NTRK3: variants seen among roughly 807,000 people sequenced by gnomAD.
NTRK3 encodes NT-3 growth factor receptor.
NTRK3 carries 24 observed loss-of-function variants against 91.7 expected under a neutral mutation model. The observed-to-expected ratio is 0.26, with a 90% CI of 0.19 to 0.37. The LOEUF is 0.37. Ranked by LOEUF, NTRK3 falls within the 10% of genes least tolerant of loss-of-function variation. The probability of loss-of-function intolerance (pLI) is 1.00; values close to 1 mark genes in which losing one functional copy is unlikely to be tolerated. For synonymous variants in NTRK3, 483 were observed against 404.0 expected (o/e 1.20, Z -2.34); for missense variants, 880 against 1,068.9 (o/e 0.82, Z 2.46).
At chr15:88,179,020 T>C (rs1477676975) in intron 5 of NTRK3, among the ~76,000 whole-genome samples, 1 of 152,236 alleles carries the variant, frequency 6.6e-6, no homozygotes, top group African/African-American at 2.4e-5. Context: ...ACTAACTTAC[T>C]GTATAACCTT....
chr15:87,984,463 T>G (rs1196033644), intron 14 of NTRK3, among the ~76,000 whole-genome samples: 1 of 152,194 alleles, frequency 6.6e-6, no homozygotes, highest in African/African-American at 2.4e-5. Flanking sequence ...GAGTCTAAGT[T>G]CTTTCTTCTC....
intron 17 of NTRK3, among the ~76,000 whole-genome samples, chr15:87,910,685 A>T (rs1336027247): frequency 6.6e-6 from 1 of 152,236 alleles, no homozygotes; most frequent in Non-Finnish European, 1.5e-5. Flanking sequence ...ACCCAAACTT[A>T]AAATGAGAGG....
intron 17 of NTRK3, chr15:87,928,403 C>T (rs990977139): frequency 6.6e-6 from 1 of 152,082 alleles, no homozygotes. Flanking sequence ...TTCATCCTTT[C>T]CCTGGAAATA....
chr15:88,169,225 G>A (rs576064824), intron 5 of NTRK3, among the ~76,000 whole-genome samples: 1 of 152,136 alleles, frequency 6.6e-6, no homozygotes, highest in African/African-American at 2.4e-5. Context: ...CAGGGAGTTT[G>A]GTTCATATCC....
chr15:88,071,157 C>G (rs551605501), intron 13 of NTRK3, among the ~76,000 whole-genome samples: 3 of 152,292 alleles, frequency 2.0e-5, no homozygotes, highest in East Asian at 3.9e-4. Flanking sequence ...CGATTAAGTC[C>G]CAGGCCCGAT....
At chr15:88,217,896 C>T (rs1015073556) in intron 3 of NTRK3, among the ~76,000 whole-genome samples, 4 of 152,042 alleles carry the variant, frequency 2.6e-5, no homozygotes, top group African/African-American at 9.7e-5. Flanking sequence ...GTAGCTGGGA[C>T]TACAGGCGCC....
chr15:88,239,109 A>G (rs908777101), intron 3 of NTRK3, among the ~76,000 whole-genome samples: 3 of 152,204 alleles, frequency 2.0e-5, no homozygotes, highest in South Asian at 2.1e-4. Context: ...AAAATAATCC[A>G]CAAACATGGG....
chr15:87,996,775 G>C (rs1392289437), intron 14 of NTRK3, among the ~76,000 whole-genome samples: 1 of 152,200 alleles, frequency 6.6e-6, no homozygotes, highest in African/African-American at 2.4e-5. Flanking sequence ...TGAGTTCCAA[G>C]AACTGCGGTA....
intron 14 of NTRK3, among the ~76,000 whole-genome samples, chr15:87,981,829 A>G (rs771052735): frequency 3.9e-5 from 6 of 152,218 alleles, no homozygotes; most frequent in Non-Finnish European, 7.3e-5. Context: ...TTTCAAGAGG[A>G]AAGCAATGTG....
intron 13 of NTRK3, among the ~76,000 whole-genome samples, chr15:88,049,694 CAG>C (rs1282661599): frequency 2.6e-5 from 4 of 152,210 alleles, no homozygotes; most frequent in African/African-American, 7.2e-5. Flanking sequence ...ATGTGTGAAT[CAG>C]GGGATTCCTC....
intron 5 of NTRK3, among the ~76,000 whole-genome samples, chr15:88,165,983 G>A (rs1480292960): frequency 6.6e-6 from 1 of 152,132 alleles, no homozygotes; most frequent in Non-Finnish European, 1.5e-5. Flanking sequence ...CATCATCCTA[G>A]GGGACAAACC....
chr15:87,981,851 AT>A (rs1217237697), intron 14 of NTRK3, among the ~76,000 whole-genome samples: 9 of 152,330 alleles, frequency 5.9e-5, no homozygotes, highest in African/African-American at 2.2e-4. Context: ...CAAGGCGGGG[AT>A]GATGAGGAGA....
intron 15 of NTRK3, among the ~76,000 whole-genome samples, chr15:87,933,866 G>A (rs2069023802): frequency 6.6e-6 from 1 of 152,192 alleles, no homozygotes; most frequent in Non-Finnish European, 1.5e-5. Context: ...GGGCCAGGCA[G>A]AGTCCTTCAA....
rs1459008634 is a variant in NTRK3 at position 88,070,894 on chromosome 15, G to C, written c.1397-37849C>G. On this transcript the variant is annotated intron_variant, in intron 13 of 18. Coordinates refer to ENST00000394480, the Ensembl canonical transcript of NTRK3. Reference sequence around the variant, plus strand: ...AAAACCCAAGGAGAGAGAAAAGGAAGGCAAGATAAAAAGGAGGAGGAGAAG... The same window carrying C: ...AAAACCCAAGGAGAGAGAAAAGGAACGCAAGATAAAAAGGAGGAGGAGAAG... Among the ~76,000 whole-genome samples, 5 of 152,248 alleles carry C rather than the reference G, an allele frequency of 3.3e-5. No individual in the cohort carries two copies. In the South Asian group the frequency reaches 1.0e-3, roughly 32 times the overall value.
At chr15:88,108,152 A>C in intron 13 of NTRK3, among the ~76,000 whole-genome samples, 1 of 152,174 alleles carries the variant, frequency 6.6e-6, no homozygotes, top group East Asian at 1.9e-4. Context: ...TCTTAAGAAA[A>C]CACTGTGCTC....
intron 14 of NTRK3, chr15:87,981,269 T>G: frequency 1.9e-6 from 3 of 1,592,348 alleles, no homozygotes; most frequent in Non-Finnish European, 2.6e-6. Flanking sequence ...GGACCTCAGG[T>G]TCCTCATATA....
At chr15:87,932,962 G>A (rs1235691439) in intron 16 of NTRK3, 50 bp downstream of exon 16, 4 of 1,602,426 alleles carry the variant, frequency 2.5e-6, no homozygotes, top group South Asian at 1.1e-5. Context: ...AAAACCCCAA[G>A]GGTTCGGTGG....
chr15:88,211,526 C>G (rs2049247979), intron 3 of NTRK3, among the ~76,000 whole-genome samples: 1 of 151,814 alleles, frequency 6.6e-6, no homozygotes, highest in Non-Finnish European at 1.5e-5. Context: ...GGGTATACAC[C>G]CAGAAGAATT....
At position 88,255,165 on chromosome 15, in the gene NTRK3, C is replaced by G. The variant is rs542933461; in HGVS notation, c.248+741G>C. On this transcript the variant is annotated intron_variant, in intron 3 of 18. Transcript: ENST00000394480. This position sits in a 1 kb window ranked among gnomAD's most constrained non-coding sequence, Gnocchi z 4.3. ...CTCCTCTCCCTGCGCCATCCTGACT[C>G]GGAATAGTTCCGAGCAGTTATCAAA... Among the ~76,000 whole-genome samples, 1 of 152,264 alleles carries G rather than the reference C, an allele frequency of 6.6e-6. No individual in the cohort carries two copies. Among genetic ancestry groups the G allele is most frequent in the East Asian group, 1.9e-4 (1 of 5,152 alleles).
Sources: allele counts gnomAD v4.1 joint callset (sites outside exome capture counted in the v4.1 genomes callset), GRCh38; gene constraint gnomAD v4.1.1; non-coding constraint Gnocchi (gnomAD v3.1); transcripts MANE v1.5; gene names NCBI Gene and HGNC (gene_info 2026-07-23, HGNC 2026-07-21).